The following APOF variants were observed in gnomAD, a reference collection of about 807,000 sequenced individuals.
APOF encodes the protein lipid transfer inhibitor protein.
APOF carries 2 observed loss-of-function variants against 2.4 expected under a neutral mutation model. The ratio of observed to expected loss-of-function variants is 0.83; its 90% CI spans 0.34 to 2.61. APOF has a LOEUF of 2.61. APOF is among the 30% of genes most tolerant of loss of function. The pLI, the probability that APOF is intolerant of heterozygous loss-of-function variation, is 0.11. For missense variants in APOF, 370 were observed against 388.7 expected (o/e 0.95, Z 0.40); for synonymous variants, 149 against 155.6 (o/e 0.96, Z 0.32).
intron 1 of APOF, 51 bp downstream of exon 1, chr12:56,362,679 C>A: frequency 6.2e-7 from 1 of 1,600,708 alleles, no homozygotes; most frequent in Non-Finnish European, 8.6e-7. Flanking sequence ...ATTTACAGGT[C>A]ACCAGGGACT....
chr12:56,361,487 G>C lies in APOF; in HGVS notation c.719C>G (p.Ala240Gly). The change falls in exon 2 of 2, where the codon GCG becomes GGG. Residue 240 changes from alanine to glycine, a missense_variant. Ala to Gly is a moderately conservative substitution (Grantham distance 60). Coordinates refer to ENST00000398189, the MANE Select transcript of APOF (RefSeq NM_001638.4). The part of the protein sequence containing the change: ...AGMSGGPMGL[A>G]ISAALKPALR... ...TGCAGGTTTAAGTGCAGCACTGATCGCTAGACCCATAGGCCCCCCTGACAT... is the reference window on the plus strand; with the variant it reads ...TGCAGGTTTAAGTGCAGCACTGATCCCTAGACCCATAGGCCCCCCTGACAT... 6.2e-7 allele frequency: 1 copy of C among 1,613,956 alleles called. No homozygotes were observed. Among genetic ancestry groups the C allele is most frequent in the South Asian group, 1.1e-5 (1 of 91,084 alleles).
intron 1 of APOF, 26 bp from the exon 2 acceptor site, chr12:56,362,215 T>A: frequency 6.2e-7 from 1 of 1,600,412 alleles, no homozygotes; most frequent in Non-Finnish European, 8.5e-7. Context: ...ATCCGAAACA[T>A]ACAAACCATT....
rs779023873 is a variant in APOF, at chr12:56,362,008, T to C, written c.198A>G (p.Gln66=). The change falls in exon 2 of 2, where the codon CAA becomes CAG. Residue 66 remains glutamine, a synonymous_variant. Transcript: ENST00000398189. ...CAGGCAGTGACTTTGGGTGCAGAAA[T>C]TGGCAGGACAAGGGGTCTGAGGAGG... ...QTPSSDPLSC[Q]FLHPKSLPGF... is the part of the protein sequence containing the mutation. 1.2e-6 allele frequency: 2 copies of C among 1,613,698 alleles called. No homozygotes were observed. The highest frequency in any genetic ancestry group is 4.5e-5 in the East Asian group (2 of 44,882).
rs374949393 is a variant in APOF at position 56,361,591 on chromosome 12, G to A, written c.615C>T (p.Asn205=). The change falls in exon 2 of 2, where the codon AAC becomes AAT. Residue 205 remains asparagine (N), a synonymous_variant. Coordinates refer to ENST00000398189, the MANE Select transcript of APOF (RefSeq NM_001638.4). ...CTCGTTCCCTGGCCTTGCCCAGGCA[G>A]TTTTGAGTAGCATAATACAAAGCTG... ...LGTALYYATQ[N]CLGKARERGR... is the part of the protein sequence containing the mutation. 13 of 1,613,962 alleles carry A rather than the reference G, an allele frequency of 8.1e-6. No homozygotes were observed. The Admixed American group carries it at 1.0e-4, about 12-fold the overall frequency.
Position 56,360,977 on chromosome 12 carries a change from C to G in APOF, c.*248G>C, listed in dbSNP as rs916306768. 7.7e-6 allele frequency: 4 copies of G among 518,500 alleles called. No homozygotes were observed. Among genetic ancestry groups the G allele is most frequent in the African/African-American group, 5.7e-5 (3 of 52,310 alleles). The allele number at this position is 518,500 out of a possible 1,614,324, so 32.1% of individuals were successfully genotyped here. A position where few individuals can be genotyped will look rare whatever the true frequency, so the allele number is the denominator to read the frequency against. On this transcript the variant is annotated 3_prime_UTR_variant, in exon 2 of 2. Coordinates refer to ENST00000398189, the MANE Select transcript of APOF (RefSeq NM_001638.4). ...GCAACTCATTGAGGTTAAAATCATTCTATCTCCTTTAGAAACTTCAAAACT... is the reference window on the plus strand; with the variant it reads ...GCAACTCATTGAGGTTAAAATCATTGTATCTCCTTTAGAAACTTCAAAACT...
Position 56,360,915 on chromosome 12 carries a change from G to A in APOF, c.*310C>T, listed in dbSNP as rs992024986. On this transcript the variant is annotated 3_prime_UTR_variant, in exon 2 of 2. Transcript: ENST00000398189. ...CTATTTATTGAAAGTACTGTGATAA[G>A]CATTTTAGATTCATTGTATCATTTT... The A allele has an allele frequency of 2.8e-5, 10 of 363,492 alleles. No homozygotes were observed. In the Admixed American group the frequency reaches 4.5e-4, roughly 16 times the overall value. The allele number at this position is 363,492 out of a possible 1,614,324, so 22.5% of individuals were successfully genotyped here.
At position 56,361,687 on chromosome 12, in the gene APOF, A is replaced by T; in HGVS notation, c.519T>A (p.Asn173Lys). 6.2e-7 allele frequency: 1 copy of T among 1,611,358 alleles called. No individual in the cohort carries two copies. The highest frequency in any genetic ancestry group is 1.3e-5 in the African/African-American group (1 of 74,996). The change falls in exon 2 of 2, where the codon AAT becomes AAA. Residue 173 changes from asparagine (N) to lysine (K), a missense_variant. Transcript: ENST00000398189. The part of the protein sequence containing the change: ...GRSLPTEDCE[N>K]EKEQAVHNVV... ...CATTGTGCACAGCTTGCTCCTTCTC[A>T]TTCTCACAGTCCTCTGTCGGGAGGG...
In APOF at chr12:56,361,963, AG is replaced by A. The variant is rs756164462; in HGVS notation, c.242del (p.Pro81LeufsTer7). Reference sequence around the variant, plus strand: ...CCAGGCTTACCAAGAACTTGGGTAGAGGGGCCATGTGGCTGAAACCAGGCAG... The same window carrying A: ...CCAGGCTTACCAAGAACTTGGGTAGAGGGCCATGTGGCTGAAACCAGGCAG... ...KSLPGFSHMA[P>X]LPKFLVSLAL... On this transcript the variant is annotated frameshift_variant, in exon 2 of 2. Coordinates refer to ENST00000398189, the MANE Select transcript of APOF (RefSeq NM_001638.4). LOFTEE classifies it low-confidence loss of function (END_TRUNC). The A allele has an allele frequency of 1.5e-4, 240 of 1,613,870 alleles. No homozygotes were observed. The highest frequency in any genetic ancestry group is 1.9e-4 in the Non-Finnish European group (221 of 1,179,872).
chr12:56,362,105 A>G lies in APOF; in HGVS notation c.101T>C (p.Val34Ala), dbSNP rs1185350635. 6.2e-7 allele frequency: 1 copy of G among 1,614,018 alleles called. No homozygotes were observed. Among genetic ancestry groups the G allele is most frequent in the Admixed American group, 1.7e-5 (1 of 60,010 alleles). The change falls in exon 2 of 2, where the codon GTG becomes GCG. Residue 34 changes from valine (V) to alanine (A), a missense_variant. Coordinates refer to ENST00000398189, the MANE Select transcript of APOF (RefSeq NM_001638.4). ...LLLCYLLLHP[V>A]DATSYGKQTN... Reference sequence around the variant, plus strand: ...CTGCTTTCCATATGAAGTGGCATCCACAGGGTGCAGCAGGAGGTAGCAAAG... The same window carrying G: ...CTGCTTTCCATATGAAGTGGCATCCGCAGGGTGCAGCAGGAGGTAGCAAAG...
In APOF at chr12:56,360,678, G is replaced by A. The variant is rs939115141; in HGVS notation, c.*547C>T. On this transcript the variant is annotated 3_prime_UTR_variant, in exon 2 of 2. Transcript: ENST00000398189. ...GGCTCGCTGCAGCCTCGACCTCCCA[G>A]GCTCAGGTGATTCTCCCGCCTCAGC... 1.3e-5 allele frequency: 2 copies of A among 153,610 alleles called. No individual in the cohort carries two copies. The highest frequency in any genetic ancestry group is 2.9e-5 in the Non-Finnish European group (2 of 68,880). The allele number at this position is 153,610 out of a possible 1,614,324, so 9.5% of individuals were successfully genotyped here.
At position 56,361,789 on chromosome 12, in the gene APOF, G is replaced by A. The variant is rs760294047; in HGVS notation, c.417C>T (p.Asn139=). Residue 139 remains asparagine (N), a synonymous_variant, in exon 2 of 2, where the codon AAC becomes AAT. Coordinates refer to ENST00000398189, the MANE Select transcript of APOF (RefSeq NM_001638.4). ...GLQKGRSTER[N]VSVEALASAL... is the part of the protein sequence containing the mutation. ...CAGAGGCCAGGGCTTCCACTGACAC[G>A]TTCCTCTCTGTGCTTCTGCCTTTCT... 1.1e-5 allele frequency: 17 copies of A among 1,611,728 alleles called. No homozygotes were observed. Among genetic ancestry groups the A allele is most frequent in the Middle Eastern group, 1.6e-4 (1 of 6,062 alleles).
Position 56,362,322 on chromosome 12 carries a change from C to A in APOF, c.17-133G>T, listed in dbSNP as rs372763703. On this transcript the variant is annotated intron_variant, in intron 1 of 1. Transcript: ENST00000398189. Reference sequence around the variant, plus strand: ...TGTACTTTCTTTTTAGAGACAGGGTCTTGCTCTGTTGCCCAGACTAGAGTG... The same window carrying A: ...TGTACTTTCTTTTTAGAGACAGGGTATTGCTCTGTTGCCCAGACTAGAGTG... 1.9e-4 allele frequency: 214 copies of A among 1,113,796 alleles called. 4 individuals are homozygous for A. Among genetic ancestry groups the A allele is most frequent in the East Asian group, 1.9e-3 (73 of 39,034 alleles). The allele number at this position is 1,113,796 out of a possible 1,614,324, so 69.0% of individuals were successfully genotyped here.
In APOF at chr12:56,362,086, T is replaced by G. The variant is rs1244743666; in HGVS notation, c.120A>C (p.Gly40=). The G allele has an allele frequency of 6.2e-7, 1 of 1,613,958 alleles. No individual in the cohort carries two copies. Among genetic ancestry groups the G allele is most frequent in the East Asian group, 2.2e-5 (1 of 44,890 alleles). ...AGTGCATCAAGACATTTGTCTGCTTTCCATATGAAGTGGCATCCACAGGGT... is the reference window on the plus strand; with the variant it reads ...AGTGCATCAAGACATTTGTCTGCTTGCCATATGAAGTGGCATCCACAGGGT... ...LLHPVDATSY[G]KQTNVLMHFP... The change falls in exon 2 of 2, where the codon GGA becomes GGC. Residue 40 remains glycine (G), a synonymous_variant. Coordinates refer to ENST00000398189, the MANE Select transcript of APOF (RefSeq NM_001638.4).
At chr12:56,362,279 C>T (rs937524943) in intron 1 of APOF, 90 bp from the exon 2 acceptor site, 1 of 1,434,170 alleles carries the variant, frequency 7.0e-7, no homozygotes. Context: ...CCTCATACAT[C>T]ACCTGCTTCC....
At position 56,361,051 on chromosome 12, in the gene APOF, A is replaced by C; in HGVS notation, c.*174T>G. Reference sequence around the variant, plus strand: ...ACTATTCAGTGATCACCGAGGCTCTAACAAGTGGAGCCTAGATTCGAAACC... The same window carrying C: ...ACTATTCAGTGATCACCGAGGCTCTCACAAGTGGAGCCTAGATTCGAAACC... On this transcript the variant is annotated 3_prime_UTR_variant, in exon 2 of 2. Coordinates refer to ENST00000398189, the MANE Select transcript of APOF (RefSeq NM_001638.4). The C allele has an allele frequency of 1.5e-6, 1 of 683,688 alleles. No homozygotes were observed. The highest frequency in any genetic ancestry group is 2.4e-6 in the Non-Finnish European group (1 of 416,850). 42.4% of individuals were successfully genotyped at this position (683,688 alleles called of 1,614,324 possible).
chr12:56,361,633 G>C lies in APOF; in HGVS notation c.573C>G (p.Thr191=). ...NVVQLLPGVG[T]FYNLGTALYY... ...ACAAAGCTGTGCCCAGGTTGTAGAA[G>C]GTTCCCACTCCTGGCAGCAGCTGGA... Residue 191 remains threonine, a synonymous_variant, in exon 2 of 2, where the codon ACC becomes ACG. Coordinates refer to ENST00000398189, the MANE Select transcript of APOF (RefSeq NM_001638.4). 2.5e-6 allele frequency: 4 copies of C among 1,613,814 alleles called. No individual in the cohort carries two copies. Among genetic ancestry groups the C allele is most frequent in the Non-Finnish European group, 2.5e-6 (3 of 1,179,794 alleles).
In APOF at chr12:56,361,978, G is replaced by C. The variant is rs1482341434; in HGVS notation, c.228C>G (p.Phe76Leu). Residue 76 changes from phenylalanine to leucine, a missense_variant, in exon 2 of 2, where the codon TTC becomes TTG. By Grantham distance (22) the Phe-to-Leu change is conservative. Transcript: ENST00000398189. The part of the protein sequence containing the change: ...QFLHPKSLPG[F>L]SHMAPLPKFL... Reference sequence around the variant, plus strand: ...ACTTGGGTAGAGGGGCCATGTGGCTGAAACCAGGCAGTGACTTTGGGTGCA... The same window carrying C: ...ACTTGGGTAGAGGGGCCATGTGGCTCAAACCAGGCAGTGACTTTGGGTGCA... 2 of 1,614,020 alleles carry C rather than the reference G, an allele frequency of 1.2e-6. No individual in the cohort carries two copies. The highest frequency in any genetic ancestry group is 2.7e-5 in the African/African-American group (2 of 75,042).
intron 1 of APOF, 143 bp downstream of exon 1, chr12:56,362,587 C>T: frequency 1.2e-6 from 1 of 807,296 alleles, no homozygotes; most frequent in Non-Finnish European, 2.0e-6. Context: ...GCCACCGCGC[C>T]TGGCCCCAAG....
chr12:56,362,664 C>T, intron 1 of APOF, 66 bp downstream of exon 1: 2 of 1,546,200 alleles, frequency 1.3e-6, no homozygotes, highest in South Asian at 2.2e-5. Flanking sequence ...CACTTGGTCT[C>T]CCCCATTTAC....
Sources: gnomAD v4.1 joint callset for allele counts on GRCh38, gnomAD v4.1.1 for gene constraint, MANE v1.5 for transcripts, NCBI Gene and HGNC (gene_info 2026-07-23, HGNC 2026-07-21) for gene names.